Variants in TBL1XR1 observed in about 807,000 individuals in gnomAD.
TBL1XR1 encodes TBL1X/Y related 1, also known as F-box-like/WD repeat-containing protein TBL1XR1.
TBL1XR1 carries 5 observed loss-of-function variants against 66.9 expected under a neutral mutation model. That is an observed-to-expected ratio of 0.07 (90% CI 0.04 to 0.16). The LOEUF (loss-of-function observed/expected upper bound fraction) is 0.16, where lower values mean the gene tolerates loss of function less well. Ranked by LOEUF, TBL1XR1 falls within the 10% of genes least tolerant of loss-of-function variation. The pLI is 1.00. For missense variants in TBL1XR1, 238 were observed against 623.2 expected (o/e 0.38, Z 6.58); for synonymous variants, 210 against 206.0 (o/e 1.02, Z -0.17).
chr3:177,110,728 G>A (rs1370308306), intron 1 of TBL1XR1: 1 of 152,152 alleles, frequency 6.6e-6, no homozygotes, highest in African/African-American at 2.4e-5. Flanking sequence ...TAAATGAGAT[G>A]AGAGGAAGGA....
intron 2 of TBL1XR1, among the ~76,000 whole-genome samples, chr3:177,087,548 A>ATTTCTGTTTCT (rs1359633646): frequency 6.6e-6 from 1 of 152,230 alleles, no homozygotes; most frequent in African/African-American, 2.4e-5. Context: ...ATGAACCAGG[A>ATTTCTGTTTCT]ATAAATCAAA....
At chr3:177,164,594 C>T (rs559405357) in intron 1 of TBL1XR1, among the ~76,000 whole-genome samples, 8 of 152,258 alleles carry the variant, frequency 5.3e-5, no homozygotes, top group South Asian at 4.1e-4. Flanking sequence ...ATGATCCACC[C>T]GCCTCGGCCT....
intron 1 of TBL1XR1, among the ~76,000 whole-genome samples, chr3:177,196,112 T>C (rs1736817832): frequency 6.6e-6 from 1 of 152,200 alleles, no homozygotes; most frequent in Admixed American, 6.5e-5. Flanking sequence ...CACTGCGAAG[T>C]GATGCCTGTT....
intron 12 of TBL1XR1, among the ~76,000 whole-genome samples, chr3:177,036,981 TC>T: frequency 6.6e-6 from 1 of 152,316 alleles, no homozygotes; most frequent in Middle Eastern, 3.4e-3. Context: ...AATGCTTTTT[TC>T]CCCAAATGAG....
rs375794762 is a variant in TBL1XR1, at chr3:177,178,795, T to C, written c.-122+18326A>G. 4.2e-4 allele frequency among the ~76,000 whole-genome samples: 64 copies of C among 152,200 alleles called. No homozygotes were observed. In the East Asian group the frequency reaches 8.1e-3, roughly 19 times the overall value. ...GTAGGGTATAAATATTCTTCACCCA[T>C]GGAACTGCTGTGGTTTCTTTTCTTT... On this transcript the variant is annotated intron_variant, in intron 1 of 15. Transcript: ENST00000457928.
intron 1 of TBL1XR1, among the ~76,000 whole-genome samples, chr3:177,100,980 C>A (rs568415439): frequency 6.6e-6 from 1 of 152,140 alleles, no homozygotes; most frequent in African/African-American, 2.4e-5. Flanking sequence ...CTCAGCCTCC[C>A]GAGTAACTGG....
rs1170375681 is a variant in TBL1XR1 at position 177,112,074 on chromosome 3, A to AATATATAT, written c.-121-13541_-121-13534dup. 4.1e-3 allele frequency among the ~76,000 whole-genome samples: 169 copies of AATATATAT among 40,924 alleles called. 5 individuals are homozygous for AATATATAT. The highest frequency in any genetic ancestry group is 7.8e-3 in the South Asian group (7 of 896). 26.8% of individuals were successfully genotyped at this position (40,924 alleles called of 152,430 possible). On this transcript the variant is annotated intron_variant, in intron 1 of 15. Coordinates refer to ENST00000457928, the MANE Select transcript of TBL1XR1 (RefSeq NM_024665.7). ...ATAAGACAACAAAGATATAAAATCAAATATATATATATATATATATATATA... is the reference window on the plus strand; with the variant it reads ...ATAAGACAACAAAGATATAAAATCAAATATATATATATATATATATATATATATATATA...
chr3:177,092,130 T>C (rs934639786), intron 2 of TBL1XR1, among the ~76,000 whole-genome samples: 2 of 152,120 alleles, frequency 1.3e-5, no homozygotes, highest in Non-Finnish European at 2.9e-5. Context: ...AAATGTGAAA[T>C]CCAAAATGCT....
intron 1 of TBL1XR1, among the ~76,000 whole-genome samples, chr3:177,116,708 C>T (rs1454202965): frequency 1.3e-5 from 2 of 152,194 alleles, no homozygotes; most frequent in African/African-American, 4.8e-5. Flanking sequence ...CTCTCTAAAC[C>T]TCAGTTTTCT....
chr3:177,071,171 T>C (rs1040043188), intron 2 of TBL1XR1, among the ~76,000 whole-genome samples: 29 of 151,700 alleles, frequency 1.9e-4, no homozygotes, highest in Admixed American at 1.5e-3. Context: ...GCTGGGACTA[T>C]AGGCACCCGC....
At chr3:177,162,225 G>A (rs145436274) in intron 1 of TBL1XR1, among the ~76,000 whole-genome samples, 245 of 152,274 alleles carry the variant, frequency 1.6e-3, no homozygotes, top group African/African-American at 5.5e-3. Context: ...ACACTTATGC[G>A]TGTGTATCAA....
intron 14 of TBL1XR1, among the ~76,000 whole-genome samples, chr3:177,030,104 GTA>G (rs951982361): frequency 4.7e-5 from 7 of 149,864 alleles, no homozygotes; most frequent in Admixed American, 2.7e-4. Flanking sequence ...GTGTGTGTGT[GTA>G]TGTGTGTGTG....
chr3:177,157,626 A>C (rs1731673244), intron 1 of TBL1XR1, among the ~76,000 whole-genome samples: 1 of 152,152 alleles, frequency 6.6e-6, no homozygotes, highest in Admixed American at 6.6e-5. Context: ...AAGGTTAAAT[A>C]CCCACAGGTT....
chr3:177,139,715 A>AT (rs1291097437), intron 1 of TBL1XR1, among the ~76,000 whole-genome samples: 6 of 152,088 alleles, frequency 3.9e-5, no homozygotes, highest in Non-Finnish European at 7.4e-5. Flanking sequence ...AGAGTCCAAC[A>AT]TTTACTTACA....
intron 1 of TBL1XR1, among the ~76,000 whole-genome samples, chr3:177,104,661 A>G (rs1309124348): frequency 6.6e-6 from 1 of 152,236 alleles, no homozygotes; most frequent in Non-Finnish European, 1.5e-5. Flanking sequence ...AAATGATTCA[A>G]AAGTTATCTG....
chr3:177,080,457 G>T (rs1417491411), intron 2 of TBL1XR1, among the ~76,000 whole-genome samples: 1 of 152,014 alleles, frequency 6.6e-6, no homozygotes, highest in Non-Finnish European at 1.5e-5. Flanking sequence ...AAAATGATTA[G>T]AGTAAATTAA....
chr3:177,123,805 C>CTTT (rs1560201639), intron 1 of TBL1XR1, among the ~76,000 whole-genome samples: 1 of 151,664 alleles, frequency 6.6e-6, no homozygotes, highest in Non-Finnish European at 1.5e-5. Flanking sequence ...GAACAATCTA[C>CTTT]TCAAGTGGAT....
intron 12 of TBL1XR1, among the ~76,000 whole-genome samples, chr3:177,036,013 ATAT>A (rs1474590664): frequency 2.0e-5 from 3 of 152,194 alleles, no homozygotes; most frequent in Non-Finnish European, 2.9e-5. Context: ...GTTAGTCTTA[ATAT>A]TATATGAGTA....
chr3:177,112,252 C>T (rs1315595362), intron 1 of TBL1XR1, among the ~76,000 whole-genome samples: 1 of 150,524 alleles, frequency 6.6e-6, no homozygotes, highest in African/African-American at 2.4e-5. Flanking sequence ...GGATTACAGG[C>T]GTCTGCCACT....
Sources: allele counts gnomAD v4.1 joint callset (sites outside exome capture counted in the v4.1 genomes callset), GRCh38; gene constraint gnomAD v4.1.1; transcripts MANE v1.5; gene names NCBI Gene and HGNC (gene_info 2026-07-23, HGNC 2026-07-21).